The following COL21A1 variants were observed in gnomAD, a reference collection of about 807,000 sequenced individuals.
The protein encoded by COL21A1 is collagen type XXI alpha 1 chain.
COL21A1 carries 149 observed loss-of-function variants against 137.9 expected under a neutral mutation model. The ratio of observed to expected loss-of-function variants is 1.08; its 90% CI spans 0.95 to 1.24. The LOEUF is 1.24. Among genes scored for constraint, COL21A1 ranks in the 50% most tolerant of loss-of-function variants. The pLI is 0.00. For missense variants in COL21A1, 1,167 were observed against 1,158.4 expected (o/e 1.01, Z -0.11); for synonymous variants, 456 against 391.5 (o/e 1.16, Z -1.95).
intron 7 of COL21A1, among the ~76,000 whole-genome samples, chr6:56,166,608 G>A (rs150210286): frequency 2.0e-3 from 303 of 152,162 alleles, no homozygotes; most frequent in African/African-American, 6.9e-3. Context: ...CCGAGATTGC[G>A]CCACTGCACT....
At chr6:56,352,711 G>A (rs978519030) in intron 1 of COL21A1, among the ~76,000 whole-genome samples, 1 of 152,090 alleles carries the variant, frequency 6.6e-6, no homozygotes, top group Admixed American at 6.6e-5. Context: ...GTATAATGGA[G>A]AATTTATTTT....
intron 1 of COL21A1, among the ~76,000 whole-genome samples, chr6:56,335,558 T>C (rs1765315499): frequency 6.6e-6 from 1 of 152,322 alleles, no homozygotes; most frequent in South Asian, 2.1e-4. Context: ...TCACATAGGA[T>C]GCCCCACTTC....
chr6:56,211,207 A>ATG (rs1561988621), intron 1 of COL21A1, among the ~76,000 whole-genome samples: 5 of 20,540 alleles, frequency 2.4e-4, no homozygotes, highest in African/African-American at 1.3e-3. Context: ...ATATATACAT[A>ATG]TATATGTATA....
At position 56,378,535 on chromosome 6, in the gene COL21A1, A is replaced by T. The variant is rs76590403; in HGVS notation, c.-39+15436T>A. ...AGAATGGGAAGGGCTATGTCTTGTG[A>T]TTTCAGTGCCAGCTCAGCTGCGGTA... On this transcript the variant is annotated intron_variant, in intron 1 of 28. Transcript: ENST00000370819. 3.0e-4 allele frequency among the ~76,000 whole-genome samples: 45 copies of T among 152,258 alleles called. No homozygotes were observed. In the East Asian group the frequency reaches 7.9e-3, roughly 27 times the overall value.
rs1765671824 is a variant in COL21A1, at chr6:56,060,148, G to A, written c.2478C>T (p.Ser826=). Residue 826 remains serine (S), a synonymous_variant, in exon 28 of 30, where the codon TCC becomes TCT. Transcript: ENST00000244728. ...GACCAGGTGGCCCAGGAATACCCGGGGAGCCATGTTGGGACAGGCAATGAT... is the reference window on the plus strand; with the variant it reads ...GACCAGGTGGCCCAGGAATACCCGGAGAGCCATGTTGGGACAGGCAATGAT... ...NCDHCLSQHG[S]PGIPGPPGPI... 1.9e-6 allele frequency: 3 copies of A among 1,611,356 alleles called. No homozygotes were observed. Among genetic ancestry groups the A allele is most frequent in the Non-Finnish European group, 2.5e-6 (3 of 1,179,180 alleles).
In COL21A1 at chr6:56,319,481, G is replaced by A. The variant is rs111666669; in HGVS notation, c.-39+74490C>T. ...GCTTCCCAAGTAGCTGGGACTACAG[G>A]CACTTTCCACCAGGCCTGGTTAACT... On this transcript the variant is annotated intron_variant, in intron 1 of 28. Transcript: ENST00000370819. 1.8e-3 allele frequency among the ~76,000 whole-genome samples: 278 copies of A among 152,158 alleles called. 1 individual carries two copies. The highest frequency in any genetic ancestry group is 6.5e-3 in the African/African-American group (270 of 41,476).
intron 9 of COL21A1, among the ~76,000 whole-genome samples, chr6:56,163,584 C>CT (rs1241016242): frequency 6.6e-6 from 1 of 152,072 alleles, no homozygotes; most frequent in Non-Finnish European, 1.5e-5. Flanking sequence ...TGGTGATCGC[C>CT]TGTAATCCTA....
intron 1 of COL21A1, among the ~76,000 whole-genome samples, chr6:56,205,249 C>T (rs781593216): frequency 1.3e-4 from 20 of 152,004 alleles, no homozygotes; most frequent in Admixed American, 1.3e-4. Flanking sequence ...AAAGGTTAGA[C>T]AAATTGATAA....
At chr6:56,240,121 A>AG (rs1782193018) in intron 1 of COL21A1, among the ~76,000 whole-genome samples, 1 of 150,836 alleles carries the variant, frequency 6.6e-6, no homozygotes. Context: ...CATGATTATA[A>AG]GGCCTCCCTA....
At chr6:56,217,549 A>G (rs1319111) in intron 1 of COL21A1, among the ~76,000 whole-genome samples, 100,084 of 152,018 alleles carry the variant, frequency 0.66, 33,374 homozygotes, top group East Asian at 0.86. Context: ...ACCCAATTTC[A>G]TTGTTTAGCA....
intron 1 of COL21A1, among the ~76,000 whole-genome samples, chr6:56,260,693 C>CAGGCAGGCAGGCAGGGAGGG (rs1763244508): frequency 2.5e-5 from 1 of 40,610 alleles, no homozygotes; most frequent in Non-Finnish European, 4.7e-5. Flanking sequence ...GGAAGGAAGG[C>CAGGCAGGCAGGCAGGGAGGG]AGGCAGGCAG....
rs896072888 is a variant in COL21A1, at chr6:56,208,941, A to G, written c.-38-26285T>C. Among the ~76,000 whole-genome samples the G allele has an allele frequency of 2.6e-5, 4 of 152,340 alleles. 1 individual carries two copies. The highest frequency in any genetic ancestry group is 2.0e-4 in the Admixed American group (3 of 15,298). The stretch of plus-strand genomic sequence containing the variant: ...CAACAGGGAAAGGATTCCTTATTTA[A>G]TAAATGGTGTTTGGAAAACTAGCTA... On this transcript the variant is annotated intron_variant, in intron 1 of 29. Transcript: ENST00000244728.
At chr6:56,160,068 T>A (rs187834483) in intron 9 of COL21A1, among the ~76,000 whole-genome samples, 26 of 152,330 alleles carry the variant, frequency 1.7e-4, no homozygotes, top group Middle Eastern at 3.4e-3. Flanking sequence ...ACTGGTTATT[T>A]TGATTATTGC....
intron 3 of COL21A1, among the ~76,000 whole-genome samples, chr6:56,173,905 G>T (rs1777251428): frequency 6.6e-6 from 1 of 152,048 alleles, no homozygotes; most frequent in African/African-American, 2.4e-5. Context: ...CCCTTCAATT[G>T]CACATGAAAC....
chr6:56,119,694 T>C (rs1044983538), intron 16 of COL21A1, among the ~76,000 whole-genome samples: 1 of 152,162 alleles, frequency 6.6e-6, no homozygotes, highest in African/African-American at 2.4e-5. Context: ...AACATGGTAC[T>C]GGCATACAAA....
At chr6:56,106,023 T>G (rs1476874921) in intron 16 of COL21A1, among the ~76,000 whole-genome samples, 1 of 152,218 alleles carries the variant, frequency 6.6e-6, no homozygotes, top group Non-Finnish European at 1.5e-5. Context: ...AAAGTATGGC[T>G]ACGGAGGAAA....
At chr6:56,155,281 T>C (rs1256091763) in intron 10 of COL21A1, among the ~76,000 whole-genome samples, 1 of 152,230 alleles carries the variant, frequency 6.6e-6, no homozygotes, top group Non-Finnish European at 1.5e-5. Flanking sequence ...CACATTTCCC[T>C]AGTATAAAAA....
At chr6:56,134,017 C>T (rs1052381176) in intron 12 of COL21A1, among the ~76,000 whole-genome samples, 3 of 152,204 alleles carry the variant, frequency 2.0e-5, no homozygotes, top group Middle Eastern at 3.2e-3. Context: ...CCCCCAGAGT[C>T]CCTACTGGGG....
chr6:56,373,291 A>C (rs1192864508), intron 1 of COL21A1, among the ~76,000 whole-genome samples: 1 of 152,214 alleles, frequency 6.6e-6, no homozygotes, highest in Non-Finnish European at 1.5e-5. Flanking sequence ...GCTATTTTAA[A>C]AATTAATTTT....
Sources: allele counts gnomAD v4.1 joint callset (sites outside exome capture counted in the v4.1 genomes callset), GRCh38; gene constraint gnomAD v4.1.1; transcripts MANE v1.5; gene names NCBI Gene and HGNC (gene_info 2026-07-23, HGNC 2026-07-21).